Variants in TMEM185B observed in about 807,000 individuals in gnomAD.
TMEM185B encodes the protein transmembrane protein 185B, also known as ee3_2.
A neutral mutation model predicts 26.2 loss-of-function variants in TMEM185B; 9 were observed. The observed-to-expected ratio is 0.34, with a 90% confidence interval of 0.21 to 0.60. The LOEUF (loss-of-function observed/expected upper bound fraction) is 0.60. Among genes scored for constraint, TMEM185B ranks in the 20% least tolerant of loss-of-function variants. The pLI, the probability that TMEM185B is intolerant of heterozygous loss-of-function variation, is 0.80. For missense variants in TMEM185B, 392 were observed against 447.9 expected, an observed-to-expected ratio of 0.88 and a Z score of 1.13; for synonymous variants, 204 against 191.8, an observed-to-expected ratio of 1.06 and a Z score of -0.52.
At position 120,218,309 on chromosome 2, in the gene TMEM185B, T is replaced by C. The variant is rs58175716; in HGVS notation, c.*3615A>G. Among the ~76,000 whole-genome samples the C allele has an allele frequency of 0.019, 2,949 of 152,278 alleles. 97 individuals are homozygous for C. Among genetic ancestry groups the C allele is most frequent in the African/African-American group, 0.067 (2,799 of 41,542 alleles). On this transcript the variant is annotated 3_prime_UTR_variant, in exon 1 of 1. Coordinates refer to ENST00000426077, the MANE Select transcript of TMEM185B (RefSeq NM_024121.3). ...AGGGGTGCAGCTGGAGGCTCCCTTT[T>C]TGTGGGTGTCATGCTGTCAGTGGTG...
In TMEM185B at chr2:120,222,334, T is replaced by C. The variant is rs937600168; in HGVS notation, c.643A>G (p.Ile215Val). Residue 215 changes from isoleucine to valine, a missense_variant, in exon 1 of 1, where the codon ATC (isoleucine) becomes GTC (valine). Coordinates refer to ENST00000426077, the MANE Select transcript of TMEM185B (RefSeq NM_024121.3). Reference protein sequence around the residue: ...EQRRTHVTMAISWITIVVPLL... With the variant: ...EQRRTHVTMAVSWITIVVPLL... ...GGCACGACAATCGTTATCCAACTGA[T>C]AGCCATGGTCACGTGTGTTCTCCGC... 7.2e-6 allele frequency: 11 copies of C among 1,536,124 alleles called. No homozygotes were observed. In the East Asian group the frequency reaches 7.3e-5, roughly 10 times the overall value.
rs1212212926 is a variant in TMEM185B, at chr2:120,222,909, A to G, written c.68T>C (p.Leu23Pro). The G allele has an allele frequency of 6.2e-6, 9 of 1,454,348 alleles. No individual in the cohort carries two copies. The highest frequency in any genetic ancestry group is 7.2e-6 in the Non-Finnish European group (8 of 1,111,094). 90.1% of individuals were successfully genotyped at this position (1,454,348 alleles called of 1,614,324 possible). A position where few individuals can be genotyped will look rare whatever the true frequency, so the allele number is the denominator to read the frequency against. Residue 23 changes from leucine (L) to proline (P), a missense_variant, in exon 1 of 1, where the codon CTC becomes CCC. Leu to Pro is a moderately conservative substitution (Grantham distance 98, BLOSUM62 -3). Coordinates refer to ENST00000426077, the MANE Select transcript of TMEM185B (RefSeq NM_024121.3). ...SKFLIYTCLL[L>P]FSVLLPLRLD... Reference sequence around the variant, plus strand: ...GCGGAGGGGCAGCAGCACCGAGAAGAGCAGCAGGCAGGTGTAGATGAGAAA... The same window carrying G: ...GCGGAGGGGCAGCAGCACCGAGAAGGGCAGCAGGCAGGTGTAGATGAGAAA...
At position 120,222,083 on chromosome 2, in the gene TMEM185B, A is replaced by T. The variant is rs543915927; in HGVS notation, c.894T>A (p.Asp298Glu). The part of the protein sequence containing the change: ...FLREYGNISY[D>E]LHHEDSEDAE... The stretch of plus-strand genomic sequence containing the variant: ...CATCTTCACTATCTTCGTGATGGAG[A>T]TCATATGAAATGTTCCCATATTCTC... The change falls in exon 1 of 1, where the codon GAT becomes GAA. Residue 298 changes from aspartate (D) to glutamate (E), a missense_variant. Around this residue, in one of 3 missense-constraint regions of TMEM185B, gnomAD observed 176 missense variants for 201.6 expected, o/e 0.87. Transcript: ENST00000426077. 5 of 1,550,198 alleles carry T rather than the reference A, an allele frequency of 3.2e-6. No homozygotes were observed. The South Asian group carries it at 4.7e-5, about 15-fold the overall frequency.
Position 120,219,435 on chromosome 2 carries a change from CT to C in TMEM185B, c.*2488del, listed in dbSNP as rs1688550928. Among the ~76,000 whole-genome samples the C allele has an allele frequency of 6.6e-6, 1 of 152,132 alleles. No individual in the cohort carries two copies. The highest frequency in any genetic ancestry group is 6.5e-5 in the Admixed American group (1 of 15,288). On this transcript the variant is annotated 3_prime_UTR_variant, in exon 1 of 1. Coordinates refer to ENST00000426077, the MANE Select transcript of TMEM185B (RefSeq NM_024121.3). ...AGCTTGTTTCCACACTAGATGCTGG[CT>C]TTCCAACACCAGATAGCTTGGGGGA... is the stretch of plus-strand genomic sequence containing the variant.
Position 120,222,320 on chromosome 2 carries a change from C to T in TMEM185B, c.657G>A (p.Thr219=). The part of the protein sequence containing the change: ...THVTMAISWI[T]IVVPLLTFEV... ...CAAAAGTGAGCAGAGGCACGACAAT[C>T]GTTATCCAACTGATAGCCATGGTCA... Residue 219 remains threonine, a synonymous_variant, in exon 1 of 1, where the codon ACG becomes ACA. Transcript: ENST00000426077. 1 of 1,536,160 alleles carries T rather than the reference C, an allele frequency of 6.5e-7. No individual in the cohort carries two copies. The highest frequency in any genetic ancestry group is 2.0e-5 in the Admixed American group (1 of 51,002).
chr2:120,222,632 G>A lies in TMEM185B; in HGVS notation c.345C>T (p.Val115=), dbSNP rs1688608456. The A allele has an allele frequency of 6.5e-7, 1 of 1,536,484 alleles. No homozygotes were observed. The highest frequency in any genetic ancestry group is 2.0e-5 in the Admixed American group (1 of 51,018). ...VERGTHFWLL[V]FMPLFFVSPV... Reference sequence around the variant, plus strand: ...GGGACACGAAGAAGAGAGGCATGAAGACCAGCAGCCAGAAGTGGGTGCCCC... The same window carrying A: ...GGGACACGAAGAAGAGAGGCATGAAAACCAGCAGCCAGAAGTGGGTGCCCC... Residue 115 remains valine (V), a synonymous_variant, in exon 1 of 1, where the codon GTC becomes GTT. Transcript: ENST00000426077.
Position 120,218,717 on chromosome 2 carries a change from C to T in TMEM185B, c.*3207G>A, listed in dbSNP as rs988904513. 1.3e-5 allele frequency among the ~76,000 whole-genome samples: 2 copies of T among 152,270 alleles called. No individual in the cohort carries two copies. Among genetic ancestry groups the T allele is most frequent in the Non-Finnish European group, 1.5e-5 (1 of 68,050 alleles). On this transcript the variant is annotated 3_prime_UTR_variant, in exon 1 of 1. Coordinates refer to ENST00000426077, the MANE Select transcript of TMEM185B (RefSeq NM_024121.3). ...AGGGGCTGGAATGCAGGGTCTTTCT[C>T]ATCTCACCTCAAATCCCCAACAGAT...
rs931817902 is a variant in TMEM185B, at chr2:120,221,173, T to G, written c.*751A>C. 6.6e-6 allele frequency: 1 copy of G among 152,224 alleles called. No homozygotes were observed. The highest frequency in any genetic ancestry group is 1.5e-5 in the Non-Finnish European group (1 of 68,040). 9.4% of individuals were successfully genotyped at this position (152,224 alleles called of 1,614,324 possible). A position where few individuals can be genotyped will look rare whatever the true frequency, so the allele number is the denominator to read the frequency against. On this transcript the variant is annotated 3_prime_UTR_variant, in exon 1 of 1. Coordinates refer to ENST00000426077, the MANE Select transcript of TMEM185B (RefSeq NM_024121.3). ...ACCTAAATATTAAGACCCATGGGATTTGCAGTCCCTACATTCATGCCTAGT... is the reference window on the plus strand; with the variant it reads ...ACCTAAATATTAAGACCCATGGGATGTGCAGTCCCTACATTCATGCCTAGT...
chr2:120,219,401 T>C lies in TMEM185B; in HGVS notation c.*2523A>G, dbSNP rs1377721474. On this transcript the variant is annotated 3_prime_UTR_variant, in exon 1 of 1. Transcript: ENST00000426077. ...TGGTCCTGACAGCGGATGGCCTACCTGGTGAGAAAGCTTGTTTCCACACTA... is the reference window on the plus strand; with the variant it reads ...TGGTCCTGACAGCGGATGGCCTACCCGGTGAGAAAGCTTGTTTCCACACTA... Among the ~76,000 whole-genome samples the C allele has an allele frequency of 6.6e-6, 1 of 152,184 alleles. No homozygotes were observed. Among genetic ancestry groups the C allele is most frequent in the Non-Finnish European group, 1.5e-5 (1 of 68,024 alleles).
Position 120,223,175 on chromosome 2 carries a change from G to A in TMEM185B, c.-199C>T. 1 of 382,366 alleles carries A rather than the reference G, an allele frequency of 2.6e-6. No homozygotes were observed. The highest frequency in any genetic ancestry group is 4.5e-6 in the Non-Finnish European group (1 of 221,444). The allele number at this position is 382,366 out of a possible 1,614,324, so 23.7% of individuals were successfully genotyped here. ...ACGTGCACGCGCGGTCACGTGGCCC[G>A]GCCGGAAGCGCGCTGGGGTGTGGCG... is the stretch of plus-strand genomic sequence containing the variant. On this transcript the variant is annotated 5_prime_UTR_variant, in exon 1 of 1. Coordinates refer to ENST00000426077, the MANE Select transcript of TMEM185B (RefSeq NM_024121.3).
rs950722536 is a variant in TMEM185B at position 120,219,465 on chromosome 2, GGAA to G, written c.*2456_*2458del. On this transcript the variant is annotated 3_prime_UTR_variant, in exon 1 of 1. Coordinates refer to ENST00000426077, the MANE Select transcript of TMEM185B (RefSeq NM_024121.3). Reference sequence around the variant, plus strand: ...CAACACCAGATAGCTTGGGGGAAGAGGAAGTTAAGATGGGCTGGGGGGTTGTGG... The same window carrying G: ...CAACACCAGATAGCTTGGGGGAAGAGGTTAAGATGGGCTGGGGGGTTGTGG... Among the ~76,000 whole-genome samples, 3 of 152,098 alleles carry G rather than the reference GGAA, an allele frequency of 2.0e-5. No individual in the cohort carries two copies. The highest frequency in any genetic ancestry group is 4.4e-5 in the Non-Finnish European group (3 of 68,022).
At position 120,217,841 on chromosome 2, in the gene TMEM185B, G is replaced by C. The variant is rs13406792; in HGVS notation, c.*4083C>G. ...AGAGAGAGCCATGACCAAACCAGAGGGAGAGACACCTGCAGATATCCTGGG... is the reference window on the plus strand; with the variant it reads ...AGAGAGAGCCATGACCAAACCAGAGCGAGAGACACCTGCAGATATCCTGGG... On this transcript the variant is annotated 3_prime_UTR_variant, in exon 1 of 1. Coordinates refer to ENST00000426077, the MANE Select transcript of TMEM185B (RefSeq NM_024121.3). Among the ~76,000 whole-genome samples the C allele has an allele frequency of 0.044, 6,642 of 152,266 alleles. 433 individuals are homozygous for C. Among genetic ancestry groups the C allele is most frequent in the African/African-American group, 0.15 (6,074 of 41,516 alleles).
chr2:120,223,019 A>AG lies in TMEM185B; in HGVS notation c.-44_-43insC. The AG allele has an allele frequency of 7.5e-7, 1 of 1,327,070 alleles. No individual in the cohort carries two copies. Among genetic ancestry groups the AG allele is most frequent in the Non-Finnish European group, 9.6e-7 (1 of 1,036,488 alleles). The allele number at this position is 1,327,070 out of a possible 1,614,324, so 82.2% of individuals were successfully genotyped here. On this transcript the variant is annotated 5_prime_UTR_variant, in exon 1 of 1. Coordinates refer to ENST00000426077, the MANE Select transcript of TMEM185B (RefSeq NM_024121.3). ...GCCTGCCCGGGCCTGCTCCCTCGCG[A>AG]CGCTCGGCGCTCGCGTCTCCGCGGC...
chr2:120,218,424 G>A lies in TMEM185B; in HGVS notation c.*3500C>T, dbSNP rs1340850922. 6.6e-6 allele frequency among the ~76,000 whole-genome samples: 1 copy of A among 152,218 alleles called. No individual in the cohort carries two copies. Among genetic ancestry groups the A allele is most frequent in the East Asian group, 1.9e-4 (1 of 5,202 alleles). On this transcript the variant is annotated 3_prime_UTR_variant, in exon 1 of 1. Coordinates refer to ENST00000426077, the MANE Select transcript of TMEM185B (RefSeq NM_024121.3). ...CAGCCACACAACTTCCCGGATCCCT[G>A]TGAACTTGCTGGGCTTCATCCCATC...
Position 120,223,262 on chromosome 2 carries a change from C to T in TMEM185B, c.-286G>A, listed in dbSNP as rs910800096. On this transcript the variant is annotated 5_prime_UTR_variant, in exon 1 of 1. Coordinates refer to ENST00000426077, the MANE Select transcript of TMEM185B (RefSeq NM_024121.3). ...GCGCTGCCTCGGTCCCGCCGCCGCC[C>T]GCGTTCACTCCGTACCCATCAAGAA... 12 of 252,584 alleles carry T rather than the reference C, an allele frequency of 4.8e-5. No homozygotes were observed. Among genetic ancestry groups the T allele is most frequent in the African/African-American group, 2.7e-4 (12 of 44,730 alleles). The allele number at this position is 252,584 out of a possible 1,614,324, so 15.6% of individuals were successfully genotyped here.
rs1357372557 is a variant in TMEM185B at position 120,222,021 on chromosome 2, G to A, written c.956C>T (p.Ala319Val). The change falls in exon 1 of 1, where the codon GCT becomes GTT. Residue 319 changes from alanine (A) to valine (V), a missense_variant. Around this residue, in one of 3 missense-constraint regions of TMEM185B, gnomAD observed 176 missense variants for 201.6 expected, o/e 0.87. Coordinates refer to ENST00000426077, the MANE Select transcript of TMEM185B (RefSeq NM_024121.3). ...ETSVPEAPKI[A>V]PIFGKKARVV... The stretch of plus-strand genomic sequence containing the variant: ...TCTGGCCTTCTTTCCAAATATTGGA[G>A]CAATTTTCGGAGCTTCTGGAACTGA... 3.2e-6 allele frequency: 5 copies of A among 1,542,348 alleles called. No homozygotes were observed. In the African/African-American group the frequency reaches 4.1e-5, roughly 13 times the overall value.
Position 120,222,267 on chromosome 2 carries a change from C to G in TMEM185B, c.710G>C (p.Gly237Ala). 1 of 1,536,332 alleles carries G rather than the reference C, an allele frequency of 6.5e-7. No homozygotes were observed. Among genetic ancestry groups the G allele is most frequent in the South Asian group, 1.2e-5 (1 of 84,058 alleles). Residue 237 changes from glycine (G) to alanine (A), a missense_variant, in exon 1 of 1, where the codon GGC becomes GCC. Physicochemically the swap from Gly to Ala is moderately conservative, Grantham distance 60. Coordinates refer to ENST00000426077, the MANE Select transcript of TMEM185B (RefSeq NM_024121.3). ...FEVLLVHRLD[G>A]HNTFSYVSIF... is the part of the protein sequence containing the mutation. ...GGAGACGTAGGAGAATGTATTGTGG[C>G]CATCCAATCTGTGAACCAGCAGGAC...
At position 120,219,888 on chromosome 2, in the gene TMEM185B, T is replaced by C. The variant is rs1357283579; in HGVS notation, c.*2036A>G. ...ACTGCATCCCCACTGCCTGGCACCA[T>C]GCTTGGCTCGGGGTAGGTCTTCAAG... On this transcript the variant is annotated 3_prime_UTR_variant, in exon 1 of 1. Transcript: ENST00000426077. Among the ~76,000 whole-genome samples, 2 of 152,250 alleles carry C rather than the reference T, an allele frequency of 1.3e-5. No homozygotes were observed. The highest frequency in any genetic ancestry group is 2.4e-5 in the African/African-American group (1 of 41,462).
Position 120,221,941 on chromosome 2 carries a change from T to G in TMEM185B, c.1036A>C (p.Ile346Leu). The change falls in exon 1 of 1, where the codon ATT becomes CTT. Residue 346 changes from isoleucine (I) to leucine (L), a missense_variant. Around this residue, in one of 3 missense-constraint regions of TMEM185B, gnomAD observed 176 missense variants for 201.6 expected, o/e 0.87. Transcript: ENST00000426077. ...KYVPPPPKLN[I>L]DMPD ...CTAGGAGTTTAATCTGGCATATCAA[T>G]ATTTAACTTGGGAGGGGGGGGAACG... The G allele has an allele frequency of 1.3e-5, 20 of 1,532,434 alleles. No homozygotes were observed. The highest frequency in any genetic ancestry group is 1.7e-5 in the Non-Finnish European group (20 of 1,145,448). The allele number at this position is 1,532,434 out of a possible 1,614,324, so 94.9% of individuals were successfully genotyped here.
Sources: allele counts gnomAD v4.1 joint callset (sites outside exome capture counted in the v4.1 genomes callset), GRCh38; gene constraint gnomAD v4.1.1; regional missense constraint gnomAD v4.1.1; transcripts MANE v1.5; gene names NCBI Gene and HGNC (gene_info 2026-07-23, HGNC 2026-07-21).